AKAP13: variants seen among roughly 807,000 people sequenced by gnomAD.
The protein encoded by AKAP13 is A-kinase anchoring protein 13.
Under a neutral mutation model 264.5 loss-of-function variants are expected in AKAP13, and 80 were observed. The ratio of observed to expected loss-of-function variants is 0.30; its 90% CI spans 0.25 to 0.36. The LOEUF (loss-of-function observed/expected upper bound fraction) is 0.36. Ranked by LOEUF, AKAP13 falls within the 10% of genes least tolerant of loss-of-function variation. The pLI is 1.00. For missense variants in AKAP13, 3,712 were observed against 3,435.2 expected, an observed-to-expected ratio of 1.08 and a Z score of -2.01; for synonymous variants, 1,380 against 1,250.2, an observed-to-expected ratio of 1.10 and a Z score of -2.19.
At chr15:85,742,051 A>G (rs1285340718) in intron 35 of AKAP13, among the ~76,000 whole-genome samples, 3 of 152,202 alleles carry the variant, frequency 2.0e-5, no homozygotes, top group Non-Finnish European at 4.4e-5. Context: ...ACACACACAG[A>G]AAAACAAAAA....
chr15:85,405,058 T>C (rs1006486435), intron 1 of AKAP13, among the ~76,000 whole-genome samples: 1 of 152,192 alleles, frequency 6.6e-6, no homozygotes, highest in African/African-American at 2.4e-5. Context: ...AAGTCTGTTT[T>C]GTGTTTTAAA....
chr15:85,544,542 T>C lies in AKAP13; in HGVS notation c.662+587T>C, dbSNP rs146581508. Among the ~76,000 whole-genome samples, 688 of 152,286 alleles carry C rather than the reference T, an allele frequency of 4.5e-3. 5 individuals carry two copies. The highest frequency in any genetic ancestry group is 0.016 in the African/African-American group (662 of 41,556). On this transcript the variant is annotated intron_variant, in intron 5 of 36. Coordinates refer to ENST00000394518, the MANE Select transcript of AKAP13 (RefSeq NM_007200.5). ...ATGTGCAGTAGGAAATCCTGTCTGT[T>C]TTTGGGCTCAATTATTATATGTCCT... is the stretch of plus-strand genomic sequence containing the variant.
chr15:85,589,157 A>G (rs898380788), intron 8 of AKAP13, among the ~76,000 whole-genome samples: 3 of 152,090 alleles, frequency 2.0e-5, no homozygotes, highest in African/African-American at 7.2e-5. Flanking sequence ...ACACACTTTA[A>G]TTTTTCCCAT....
At chr15:85,479,113 T>C (rs1225785196) in intron 1 of AKAP13, among the ~76,000 whole-genome samples, 1 of 152,170 alleles carries the variant, frequency 6.6e-6, no homozygotes, top group Non-Finnish European at 1.5e-5. Flanking sequence ...GCCCATGTGG[T>C]ATTTTACTTT....
chr15:85,735,465 A>T (rs2088388831), intron 31 of AKAP13, 95 bp from the exon 32 acceptor site: 1 of 1,319,100 alleles, frequency 7.6e-7, no homozygotes, highest in Non-Finnish European at 1.1e-6. Flanking sequence ...TAGGTTTCAG[A>T]CATACTACAT....
Position 85,730,997 on chromosome 15 carries a change from CTTTTTTTTTTT to C in AKAP13, c.7282+304_7282+314del, listed in dbSNP as rs71468134. 3.1e-4 allele frequency among the ~76,000 whole-genome samples: 18 copies of C among 57,420 alleles called. 1 individual carries two copies. Among genetic ancestry groups the C allele is most frequent in the South Asian group, 1.7e-3 (2 of 1,178 alleles). The allele number at this position is 57,420 out of a possible 152,430, so 37.7% of individuals were successfully genotyped here. On this transcript the variant is annotated intron_variant, in intron 30 of 36. Transcript: ENST00000394518. ...ACTGTTTTTTAATTAGTCACTTATG[CTTTTTTTTTTT>C]TTTTTTTTTTTTTGGCAGGATCTTG...
intron 1 of AKAP13, among the ~76,000 whole-genome samples, chr15:85,390,916 CTG>C (rs1214030770): frequency 1.3e-5 from 2 of 152,142 alleles, no homozygotes; most frequent in Non-Finnish European, 2.9e-5. Context: ...AGTTTGAGAT[CTG>C]TGAAATTTTT....
intron 10 of AKAP13, 106 bp from the exon 11 acceptor site, chr15:85,655,311 T>C (rs2083048119): frequency 2.1e-6 from 3 of 1,414,202 alleles, no homozygotes; most frequent in Non-Finnish European, 2.8e-6. Context: ...ATTATGATCT[T>C]ACCTGCCTGG....
chr15:85,499,789 G>A (rs4280192), intron 2 of AKAP13, among the ~76,000 whole-genome samples: 77,020 of 151,770 alleles, frequency 0.51, 20,086 homozygotes, highest in Middle Eastern at 0.61. Context: ...CCTATGCCCC[G>A]GCTACTCTGT....
chr15:85,476,108 G>A (rs373695969), intron 1 of AKAP13, among the ~76,000 whole-genome samples: 43 of 152,330 alleles, frequency 2.8e-4, no homozygotes, highest in African/African-American at 1.0e-3. Context: ...CAGCAAGGGT[G>A]GAGGGCATGA....
rs773503413 is a variant in AKAP13, at chr15:85,741,233, G to A, written c.7796G>A (p.Arg2599His). The A allele has an allele frequency of 1.5e-5, 24 of 1,608,664 alleles. No homozygotes were observed. The highest frequency in any genetic ancestry group is 2.7e-5 in the African/African-American group (2 of 74,844). Residue 2599 changes from arginine to histidine, a missense_variant, in exon 35 of 37, where the codon CGC (arginine) becomes CAC (histidine). Transcript: ENST00000394518. The part of the protein sequence containing the change: ...KQQAQYLEEK[R>H]RREREWEARE... Reference sequence around the variant, plus strand: ...CAGGCCCAGTACCTCGAGGAGAAGCGCAGGCGCGAGCGTGAGTGGGAAGCT... The same window carrying A: ...CAGGCCCAGTACCTCGAGGAGAAGCACAGGCGCGAGCGTGAGTGGGAAGCT...
intron 5 of AKAP13, among the ~76,000 whole-genome samples, chr15:85,564,751 A>G (rs2078542534): frequency 6.6e-6 from 1 of 152,150 alleles, no homozygotes; most frequent in Admixed American, 6.5e-5. Flanking sequence ...GTTGTGAGTA[A>G]AAGAGAAGAA....
At chr15:85,444,202 G>A (rs1371583978) in intron 1 of AKAP13, among the ~76,000 whole-genome samples, 1 of 152,120 alleles carries the variant, frequency 6.6e-6, no homozygotes, top group Non-Finnish European at 1.5e-5. Flanking sequence ...CCAGCTACTT[G>A]TTATATGAAT....
intron 25 of AKAP13, 117 bp from the exon 26 acceptor site, chr15:85,722,955 C>G: frequency 7.2e-7 from 1 of 1,382,052 alleles, no homozygotes; most frequent in Non-Finnish European, 9.7e-7. Flanking sequence ...GTTGGCTTCC[C>G]TCTGATAGCA....
At chr15:85,424,937 C>T (rs2072699200) in intron 1 of AKAP13, among the ~76,000 whole-genome samples, 1 of 152,176 alleles carries the variant, frequency 6.6e-6, no homozygotes, top group African/African-American at 2.4e-5. Flanking sequence ...TTAGAACATA[C>T]ACAACATTTA....
At chr15:85,721,465 T>A (rs372196322) in intron 23 of AKAP13, among the ~76,000 whole-genome samples, 1 of 152,228 alleles carries the variant, frequency 6.6e-6, no homozygotes, top group South Asian at 2.1e-4. Context: ...AACATACCTT[T>A]AGAGGAATCA....
rs750025147 is a variant in AKAP13, at chr15:85,579,664, T to C, written c.1596T>C (p.Ser532=). The C allele has an allele frequency of 1.4e-5, 22 of 1,614,060 alleles. No individual in the cohort carries two copies. Among genetic ancestry groups the C allele is most frequent in the African/African-American group, 2.7e-5 (2 of 74,914 alleles). Residue 532 remains serine (S), a synonymous_variant, in exon 7 of 37, where the codon AGT becomes AGC. Transcript: ENST00000394518. ...HVTSKPVDKI[S]VPNCAPAASS... Reference sequence around the variant, plus strand: ...CAAGTAAGCCTGTGGATAAAATCAGTGTTCCAAACTGTGCCCCTGCTGCCA... The same window carrying C: ...CAAGTAAGCCTGTGGATAAAATCAGCGTTCCAAACTGTGCCCCTGCTGCCA...
chr15:85,456,152 A>T (rs971531303), intron 1 of AKAP13, among the ~76,000 whole-genome samples: 14 of 152,222 alleles, frequency 9.2e-5, no homozygotes, highest in African/African-American at 3.4e-4. Context: ...GGTACAGTTC[A>T]GTTTTGGAGT....
At chr15:85,684,532 C>G (rs1028783485) in intron 15 of AKAP13, 4 of 519,526 alleles carry the variant, frequency 7.7e-6, no homozygotes, top group Non-Finnish European at 1.4e-5. Flanking sequence ...CCACTCAGAG[C>G]AAGACTGTCT....
Sources: allele counts gnomAD v4.1 joint callset (sites outside exome capture counted in the v4.1 genomes callset), GRCh38; gene constraint gnomAD v4.1.1; transcripts MANE v1.5; gene names NCBI Gene and HGNC (gene_info 2026-07-23, HGNC 2026-07-21).